ZNF875: variants seen among roughly 807,000 people sequenced by gnomAD.
ZNF875 encodes zinc finger protein 875.
Under a neutral mutation model 11.2 loss-of-function variants are expected in ZNF875, and 14 were observed. The ratio of observed to expected loss-of-function variants is 1.26; its 90% CI spans 0.83 to 1.96. The LOEUF is 1.96. ZNF875 is among the 30% of genes most tolerant of loss of function. ZNF875 has a pLI of 0.00. For synonymous variants in ZNF875, 301 were observed against 281.1 expected, an observed-to-expected ratio of 1.07 and a Z score of -0.71; for missense variants, 752 against 760.4, an observed-to-expected ratio of 0.99 and a Z score of 0.13.
exon 1 of ZNF875, chr19:37,318,120 C>T (rs774836043): frequency 6.5e-6 from 1 of 154,154 alleles, no homozygotes; most frequent in Non-Finnish European, 1.5e-5. Flanking sequence ...CCACCGGACT[C>T]GTGGGCGCCC....
At chr19:37,335,301 G>T (rs1442351757) in intron 2 of ZNF875, 44 bp downstream of exon 2, 1 of 678,354 alleles carries the variant, frequency 1.5e-6, no homozygotes, top group South Asian at 1.5e-5. Flanking sequence ...AACAGAATGG[G>T]TCCCATTACC....
upstream of ZNF875, among the ~76,000 whole-genome samples, chr19:37,316,527 G>A (rs944591598): frequency 7.9e-5 from 12 of 151,302 alleles, no homozygotes; most frequent in African/African-American, 2.9e-4. Context: ...GTGCCACCAC[G>A]CCCGGCTAAT....
intron 4 of ZNF875, chr19:37,328,834 G>A (rs1378099417): frequency 1.3e-5 from 2 of 152,166 alleles, no homozygotes; most frequent in African/African-American, 4.8e-5. Flanking sequence ...TATGTTTGAG[G>A]AGTTTACAGA....
chr19:37,341,131 A>G (rs1372496742), intron 2 of ZNF875, among the ~76,000 whole-genome samples: 1 of 152,200 alleles, frequency 6.6e-6, no homozygotes. Flanking sequence ...AGTTTCTGAC[A>G]TCATGGGCAT....
At chr19:37,333,714 T>C (rs2033754383), upstream of ZNF875, among the ~76,000 whole-genome samples, 1 of 152,148 alleles carries the variant, frequency 6.6e-6, no homozygotes, top group East Asian at 1.9e-4. Flanking sequence ...TCTGGCTGCT[T>C]GATGCCCTAG....
At chr19:37,325,270 C>T (rs1407319899) in intron 4 of ZNF875, among the ~76,000 whole-genome samples, 2 of 152,256 alleles carry the variant, frequency 1.3e-5, no homozygotes, top group South Asian at 2.1e-4. Flanking sequence ...TGTCAGCACC[C>T]GAAGGTACCC....
intron 1 of ZNF875, 160 bp downstream of exon 1, chr19:37,334,942 C>T (rs1240293099): frequency 4.3e-6 from 2 of 470,316 alleles, no homozygotes; most frequent in Non-Finnish European, 8.0e-6. Context: ...AGAGATAAAC[C>T]CTCACTCCGT....
At position 37,363,695 on chromosome 19, in the gene ZNF875, C is replaced by A. The variant is rs774928747; in HGVS notation, c.1843C>A (p.Pro615Thr). Reference sequence around the variant, plus strand: ...CCAGAGGACACATTCAGGAGAGAAGCCTTATATTTGCAGAAAGTGTGGACG... The same window carrying A: ...CCAGAGGACACATTCAGGAGAGAAGACTTATATTTGCAGAAAGTGTGGACG... ...RHQRTHSGEK[P>T]YICRKCGRGF... The change falls in exon 5 of 5, where the codon CCT (proline) becomes ACT (threonine). Residue 615 changes from proline (P) to threonine (T), a missense_variant. Transcript: ENST00000392153. 3 of 1,613,422 alleles carry A rather than the reference C, an allele frequency of 1.9e-6. No homozygotes were observed. The highest frequency in any genetic ancestry group is 3.3e-5 in the Admixed American group (2 of 59,970).
At chr19:37,321,842 C>A (rs1299367503) in intron 1 of ZNF875, among the ~76,000 whole-genome samples, 2 of 152,102 alleles carry the variant, frequency 1.3e-5, no homozygotes, top group African/African-American at 4.8e-5. Context: ...AAATGTTGAG[C>A]CATTTTTTAA....
rs2033959983 is a variant in ZNF875, at chr19:37,334,792, CTA to C, written c.-57+13_-57+14del. On this transcript the variant is annotated intron_variant, in intron 1 of 4. Coordinates refer to ENST00000392153, the MANE Select transcript of ZNF875 (RefSeq NM_001353803.2). ...CGTGCACCCGCGTTCCGTGAGTGCC[CTA>C]TAGGCAGTCAGCATGCCCCTCTGCG... is the stretch of plus-strand genomic sequence containing the variant. 2 of 456,960 alleles carry C rather than the reference CTA, an allele frequency of 4.4e-6. No individual in the cohort carries two copies. Among genetic ancestry groups the C allele is most frequent in the Middle Eastern group, 3.2e-4 (1 of 3,078 alleles). The allele number at this position is 456,960 out of a possible 1,614,324, so 28.3% of individuals were successfully genotyped here.
chr19:37,357,533 A>G (rs1402517560), intron 4 of ZNF875, among the ~76,000 whole-genome samples: 1 of 152,176 alleles, frequency 6.6e-6, no homozygotes, highest in Non-Finnish European at 1.5e-5. Context: ...TTCTCCTCGC[A>G]GAGACCTTTC....
chr19:37,316,751 CTCCCGGGT>C (rs948447056), upstream of ZNF875, among the ~76,000 whole-genome samples: 13 of 152,112 alleles, frequency 8.5e-5, no homozygotes, highest in Non-Finnish European at 1.5e-4. Context: ...CAACCTCCGC[CTCCCGGGT>C]TCAAGCGATT....
chr19:37,335,609 G>T (rs779211758), intron 2 of ZNF875, among the ~76,000 whole-genome samples: 2 of 152,210 alleles, frequency 1.3e-5, no homozygotes, highest in African/African-American at 4.8e-5. Context: ...CAGATAACAA[G>T]TTAGGGGGTG....
chr19:37,340,318 T>C (rs2035428849), intron 2 of ZNF875, among the ~76,000 whole-genome samples: 1 of 152,152 alleles, frequency 6.6e-6, no homozygotes, highest in African/African-American at 2.4e-5. Flanking sequence ...ATTTTAATTA[T>C]TACACTGTGC....
intron 4 of ZNF875, among the ~76,000 whole-genome samples, chr19:37,358,909 T>A (rs4802136): frequency 0.26 from 38,056 of 147,954 alleles, 5,434 homozygotes; most frequent in African/African-American, 0.41. Flanking sequence ...ATATATATAT[T>A]TTTTTTTTGA....
intron 4 of ZNF875, among the ~76,000 whole-genome samples, chr19:37,329,624 G>A (rs2033077071): frequency 6.6e-6 from 1 of 152,134 alleles, no homozygotes; most frequent in African/African-American, 2.4e-5. Flanking sequence ...CGTATCTGTG[G>A]TGTCTAGCAC....
At chr19:37,329,519 C>T (rs1208235027) in intron 4 of ZNF875, among the ~76,000 whole-genome samples, 1 of 152,136 alleles carries the variant, frequency 6.6e-6, no homozygotes, top group African/African-American at 2.4e-5. Flanking sequence ...TTTGTCTCTA[C>T]TGGGTGATGC....
At chr19:37,314,705 C>G (rs1467402782), upstream of ZNF875, among the ~76,000 whole-genome samples, 2 of 137,968 alleles carry the variant, frequency 1.4e-5, no homozygotes, top group Non-Finnish European at 3.1e-5. Context: ...GAGCTGAGAT[C>G]GTGCCACTGC....
chr19:37,350,225 C>T (rs571715998), intron 4 of ZNF875, among the ~76,000 whole-genome samples: 1 of 149,654 alleles, frequency 6.7e-6, no homozygotes, highest in Non-Finnish European at 1.5e-5. Flanking sequence ...AATTCTCCTG[C>T]CTCAGCCTCC....
Sources: gnomAD v4.1 joint callset for allele counts (sites outside exome capture counted in the v4.1 genomes callset) on GRCh38, gnomAD v4.1.1 for gene constraint, MANE v1.5 for transcripts, NCBI Gene and HGNC (gene_info 2026-07-23, HGNC 2026-07-21) for gene names.